COL4A5: variants seen among roughly 807,000 people sequenced by gnomAD.
COL4A5 encodes the protein collagen alpha-5(IV) chain.
In COL4A5, 26 loss-of-function variants were observed where a neutral mutation model predicts 130.2. That is an observed-to-expected ratio of 0.20 (90% CI 0.15 to 0.28). The LOEUF (loss-of-function observed/expected upper bound fraction) is 0.28, where lower values mean the gene tolerates loss of function less well. COL4A5 is among the 10% of genes least tolerant of loss of function. The pLI is 1.00. For synonymous variants in COL4A5, 496 were observed against 439.6 expected (o/e 1.13, Z -1.60); for missense variants, 1,131 against 1,344.3 (o/e 0.84, Z 2.48).
At position 108,591,545 on chromosome X, in the gene COL4A5, T is replaced by C; in HGVS notation, c.1340-16T>C. The C allele has an allele frequency of 8.5e-7, 1 of 1,169,691 alleles. No homozygotes were observed. The highest frequency in any genetic ancestry group is 1.2e-6 in the Non-Finnish European group (1 of 857,072). ...ATTTCACAATTAGCTTGCTATCCTT[T>C]CTTTATCTTACTCAGGTGATGAGAT... On this transcript the variant is annotated splice_polypyrimidine_tract_variant and intron_variant, in intron 20 of 52. Transcript: ENST00000328300.
At chrX:108,648,653 A>G (rs950339260) in intron 36 of COL4A5, among the ~76,000 whole-genome samples, 19 of 112,025 alleles carry the variant, frequency 1.7e-4, no homozygotes, top group Admixed American at 1.1e-3. Context: ...GATCATTTCT[A>G]TAGATGCAGA....
At position 108,584,054 on chromosome X, in the gene COL4A5, G is replaced by GAAGA. The variant is rs1351198643; in HGVS notation, c.991-427_991-424dup. On this transcript the variant is annotated intron_variant, in intron 17 of 52. Coordinates refer to ENST00000328300, the MANE Select transcript of COL4A5 (RefSeq NM_033380.3). The stretch of plus-strand genomic sequence containing the variant: ...TTTATGTCCTTGACTAGTTTTATGA[G>GAAGA]AAGAAACATGGCTAAATGTAAAAAA... Among the ~76,000 whole-genome samples, 3 of 75,535 alleles carry GAAGA rather than the reference G, an allele frequency of 4.0e-5. No individual in the cohort carries two copies. In the Admixed American group the frequency reaches 5.0e-4, roughly 13 times the overall value. 65.6% of individuals were successfully genotyped at this position (75,535 alleles called of 115,157 possible).
At chrX:108,638,564 G>A (rs1044918942) in intron 36 of COL4A5, among the ~76,000 whole-genome samples, 3 of 111,687 alleles carry the variant, frequency 2.7e-5, no homozygotes, top group African/African-American at 9.7e-5. Context: ...GGAATTCCTA[G>A]CCAGACCAAT....
At chrX:108,580,908 G>A in intron 15 of COL4A5, 75 bp from the exon 16 acceptor site, 5 of 1,063,684 alleles carry the variant, frequency 4.7e-6, no homozygotes, top group Non-Finnish European at 6.6e-6. Context: ...AATAAAGCTT[G>A]TTATATTCTT....
intron 1 of COL4A5, among the ~76,000 whole-genome samples, chrX:108,471,607 T>C (rs1294191762): frequency 1.8e-5 from 2 of 111,630 alleles, no homozygotes; most frequent in East Asian, 5.6e-4. Context: ...TTGACTTCTT[T>C]TACAATTTGG....
chrX:108,456,912 G>A (rs867321994), intron 1 of COL4A5, among the ~76,000 whole-genome samples: 2 of 111,586 alleles, frequency 1.8e-5, no homozygotes, highest in Non-Finnish European at 3.8e-5. Flanking sequence ...AGCTAAACCG[G>A]AGAAAGTGCT....
chrX:108,566,784 C>T (rs918879533), intron 4 of COL4A5, among the ~76,000 whole-genome samples: 3 of 110,787 alleles, frequency 2.7e-5, no homozygotes, highest in Admixed American at 9.6e-5. Flanking sequence ...CTCCTGACCT[C>T]GTGATCCACC....
intron 1 of COL4A5, among the ~76,000 whole-genome samples, chrX:108,446,216 T>G (rs778949943): frequency 2.7e-5 from 3 of 112,298 alleles, no homozygotes; most frequent in African/African-American, 9.7e-5. Flanking sequence ...GTTTTATTTC[T>G]TACTGTTTGA....
intron 42 of COL4A5, 39 bp from the exon 43 acceptor site, chrX:108,674,706 C>T: frequency 8.4e-7 from 1 of 1,192,239 alleles, no homozygotes; most frequent in Non-Finnish European, 1.1e-6. Context: ...ATACTGCTAA[C>T]ATCGATCTTT....
intron 1 of COL4A5, among the ~76,000 whole-genome samples, chrX:108,444,213 T>G (rs907014864): frequency 3.9e-5 from 4 of 101,613 alleles, no homozygotes; most frequent in Non-Finnish European, 7.8e-5. Flanking sequence ...TTCCAGACTC[T>G]TTTTTTTTTC....
chrX:108,486,931 T>A (rs1347450365), intron 1 of COL4A5, among the ~76,000 whole-genome samples: 2 of 112,276 alleles, frequency 1.8e-5, no homozygotes, highest in African/African-American at 6.5e-5. Flanking sequence ...TGTTTTTGCT[T>A]GTTTGTTTGT....
intron 36 of COL4A5, among the ~76,000 whole-genome samples, chrX:108,629,052 T>G (rs948755304): frequency 8.9e-6 from 1 of 112,013 alleles, no homozygotes; most frequent in Non-Finnish European, 1.9e-5. Flanking sequence ...GTCTCTCTGA[T>G]AAGATAGAGC....
intron 1 of COL4A5, among the ~76,000 whole-genome samples, chrX:108,473,633 A>ATATATATATATATTTATTTTTTT: frequency 2.9e-5 from 1 of 34,567 alleles, no homozygotes; most frequent in Non-Finnish European, 6.0e-5. Flanking sequence ...ATATATATAT[A>ATATATATATATATTTATTTTTTT]TTTTTTTTTT....
chrX:108,605,913 T>C (rs1460186663), intron 28 of COL4A5, among the ~76,000 whole-genome samples: 1 of 112,167 alleles, frequency 8.9e-6, no homozygotes, highest in African/African-American at 3.2e-5. Context: ...AATAATACTG[T>C]GTTTGAGTTA....
At chrX:108,503,258 G>C (rs1373246513) in intron 1 of COL4A5, among the ~76,000 whole-genome samples, 2 of 111,357 alleles carry the variant, frequency 1.8e-5, no homozygotes, top group Admixed American at 9.6e-5. Context: ...GACAATATTA[G>C]TTAACTCAGT....
At chrX:108,621,703 G>A (rs755420491) in intron 31 of COL4A5, 100 bp from the exon 32 acceptor site, 12 of 653,139 alleles carry the variant, frequency 1.8e-5, no homozygotes, top group African/African-American at 4.3e-5. Context: ...AGTGCCTTAC[G>A]TCCAACCCTC....
chrX:108,688,896 C>T (rs2068598205), intron 49 of COL4A5, among the ~76,000 whole-genome samples: 1 of 111,533 alleles, frequency 9.0e-6, no homozygotes, highest in Admixed American at 9.5e-5. Context: ...GCAGCAGAGA[C>T]CCCGGAGGTC....
intron 1 of COL4A5, among the ~76,000 whole-genome samples, chrX:108,473,633 A>ATATATATATATATATATATATATTT: frequency 5.8e-5 from 2 of 34,567 alleles, no homozygotes; most frequent in East Asian, 4.8e-4. Context: ...ATATATATAT[A>ATATATATATATATATATATATATTT]TTTTTTTTTT....
At chrX:108,657,194 A>G (rs2067859618) in intron 37 of COL4A5, among the ~76,000 whole-genome samples, 1 of 110,825 alleles carries the variant, frequency 9.0e-6, no homozygotes, top group Admixed American at 9.6e-5. Flanking sequence ...GTAGGGGTCA[A>G]GGTTCATTTT....
Sources: gnomAD v4.1 joint callset for allele counts (sites outside exome capture counted in the v4.1 genomes callset) on GRCh38, gnomAD v4.1.1 for gene constraint, MANE v1.5 for transcripts, NCBI Gene and HGNC (gene_info 2026-07-23, HGNC 2026-07-21) for gene names.